PSD2: variants seen among roughly 807,000 people sequenced by gnomAD.
The protein encoded by PSD2 is pleckstrin and Sec7 domain containing 2.
A neutral mutation model predicts 69.8 loss-of-function variants in PSD2; 38 were observed. The observed-to-expected ratio is 0.54, with a 90% confidence interval of 0.42 to 0.71. The LOEUF (loss-of-function observed/expected upper bound fraction) is 0.71. Ranked by LOEUF, PSD2 falls within the 30% of genes least tolerant of loss-of-function variation. PSD2 has a pLI of 0.00. For missense variants in PSD2, 943 were observed against 1,014.5 expected, an observed-to-expected ratio of 0.93 and a Z score of 0.96; for synonymous variants, 412 against 423.0, an observed-to-expected ratio of 0.97 and a Z score of 0.32.
intron 2 of PSD2, 135 bp from the exon 3 acceptor site, chr5:139,813,174 G>T: frequency 1.5e-6 from 1 of 680,364 alleles, no homozygotes. Context: ...AGTTAGTATT[G>T]GCTGAAGGGA....
chr5:139,803,220 C>T (rs529760012), intron 1 of PSD2, among the ~76,000 whole-genome samples: 1 of 152,354 alleles, frequency 6.6e-6, no homozygotes, highest in African/African-American at 2.4e-5. Context: ...TCTCTGGCCC[C>T]CCTCCTGGCC....
rs34206173 is a variant in PSD2 at position 139,809,644 on chromosome 5, C to T, written c.204C>T (p.Phe68=). ...CCACGAAGGACCCAGATGTGGCCTT[C>T]CATGGCCTCAGCCTTGGCCTCTCTC... is the stretch of plus-strand genomic sequence containing the variant. ...EEPTKDPDVA[F]HGLSLGLSLT... is the part of the protein sequence containing the mutation. Residue 68 remains phenylalanine, a synonymous_variant, in exon 2 of 15, where the codon TTC becomes TTT. Transcript: ENST00000274710. The T allele has an allele frequency of 9.9e-6, 16 of 1,614,156 alleles. No individual in the cohort carries two copies. The African/African-American group carries it at 2.1e-4, about 22-fold the overall frequency.
chr5:139,830,823 C>CTTTTTT (rs60786662), intron 7 of PSD2, among the ~76,000 whole-genome samples: 76 of 82,942 alleles, frequency 9.2e-4, no homozygotes, highest in Middle Eastern at 0.015. Context: ...CCTGGACTTG[C>CTTTTTT]TTTTTTTTTT....
chr5:139,777,167 G>A, the PSD2 span, among the ~76,000 whole-genome samples: 11 of 152,140 alleles, frequency 7.2e-5, no homozygotes, highest in Middle Eastern at 3.2e-3. Context: ...AACCTTTTCA[G>A]CCCTTCATCT....
At chr5:139,823,506 A>C (rs1380921880) in intron 7 of PSD2, among the ~76,000 whole-genome samples, 3 of 152,168 alleles carry the variant, frequency 2.0e-5, no homozygotes, top group Non-Finnish European at 4.4e-5. Flanking sequence ...CAGCAAGTTA[A>C]CCAGGAAATC....
chr5:139,803,216 G>T (rs1409930913), intron 1 of PSD2, among the ~76,000 whole-genome samples: 1 of 152,222 alleles, frequency 6.6e-6, no homozygotes, highest in Non-Finnish European at 1.5e-5. Flanking sequence ...GCCCTCTCTG[G>T]CCCCCCTCCT....
At chr5:139,799,889 G>T (rs1759625823) in intron 1 of PSD2, among the ~76,000 whole-genome samples, 2 of 152,166 alleles carry the variant, frequency 1.3e-5, no homozygotes, top group African/African-American at 4.8e-5. Context: ...CAATGGCTTG[G>T]GAAGGGAGAT....
intron 1 of PSD2, among the ~76,000 whole-genome samples, chr5:139,801,763 C>T (rs1759680128): frequency 6.6e-6 from 1 of 152,236 alleles, no homozygotes; most frequent in Admixed American, 6.5e-5. Flanking sequence ...AGACAACCCC[C>T]CTCAACTTGC....
Position 139,837,183 on chromosome 5 carries a change from G to T in PSD2, c.1610G>T (p.Arg537Leu). The change falls in exon 11 of 15, where the codon CGT (arginine) becomes CTT (leucine). Residue 537 changes from arginine (R) to leucine (L), a missense_variant. Coordinates refer to ENST00000274710, the MANE Select transcript of PSD2 (RefSeq NM_032289.4). The surrounding 1 kb of genome is among the most constrained non-coding windows in gnomAD (Gnocchi z 5.0). The stretch of plus-strand genomic sequence containing the variant: ...TCCTCCCCAGCGCCCCGTGGGAGGC[G>T]TGGCTGGAAGAAATTCTACGCAGTG... ...MDGKRTPRGR[R>L]GWKKFYAVLK... The T allele has an allele frequency of 1.9e-6, 3 of 1,614,102 alleles. No homozygotes were observed. Among genetic ancestry groups the T allele is most frequent in the Non-Finnish European group, 2.5e-6 (3 of 1,179,952 alleles).
At chr5:139,768,520 C>T in the PSD2 span, among the ~76,000 whole-genome samples, 10 of 152,144 alleles carry the variant, frequency 6.6e-5, no homozygotes, top group East Asian at 7.7e-4. Flanking sequence ...GAAGGGAGTT[C>T]GAGACTAGCC....
the PSD2 span, among the ~76,000 whole-genome samples, chr5:139,780,466 C>T: frequency 6.6e-6 from 1 of 151,958 alleles, no homozygotes; most frequent in African/African-American, 2.4e-5. Flanking sequence ...TTTTTTGAGA[C>T]ATTGTCTCGC....
Position 139,842,530 on chromosome 5 carries a change from G to A in PSD2, c.*56G>A, listed in dbSNP as rs1024230108. On this transcript the variant is annotated 3_prime_UTR_variant, in exon 15 of 15. Coordinates refer to ENST00000274710, the MANE Select transcript of PSD2 (RefSeq NM_032289.4). ...CAGATGTCTCCAGTGGGGTCAGTGA[G>A]CACAATTCCAGCCAGGGGCCACTTG... 3.3e-6 allele frequency: 5 copies of A among 1,530,208 alleles called. No individual in the cohort carries two copies. The highest frequency in any genetic ancestry group is 4.5e-6 in the Non-Finnish European group (5 of 1,111,242). The allele number at this position is 1,530,208 out of a possible 1,614,324, so 94.8% of individuals were successfully genotyped here.
In PSD2 at chr5:139,817,526, C is replaced by T. The variant is rs774410580; in HGVS notation, c.1062C>T (p.Phe354=). ...TGGCCGGGGAGTACCTCAGTTTCTT[C>T]GACTTCTCGGGCTTGACTCTGGACG... ...RLVAGEYLSF[F]DFSGLTLDGA... is the part of the protein sequence containing the mutation. Residue 354 remains phenylalanine, a synonymous_variant, in exon 5 of 15, where the codon TTC becomes TTT. Transcript: ENST00000274710. 27 of 1,614,154 alleles carry T rather than the reference C, an allele frequency of 1.7e-5. 1 individual carries two copies. In the Middle Eastern group the frequency reaches 6.6e-4, roughly 39 times the overall value.
intron 1 of PSD2, among the ~76,000 whole-genome samples, chr5:139,797,244 C>T (rs934827637): frequency 3.9e-5 from 6 of 152,230 alleles, no homozygotes; most frequent in African/African-American, 9.6e-5. Flanking sequence ...AAGCAGGGAA[C>T]AGGGGCTTTT....
chr5:139,817,181 GC>G (rs1409222444), intron 4 of PSD2, among the ~76,000 whole-genome samples: 2 of 152,202 alleles, frequency 1.3e-5, no homozygotes, highest in African/African-American at 4.8e-5. Context: ...CCTGCTAGTA[GC>G]TTCTTGGACA....
chr5:139,817,453 T>TA, intron 4 of PSD2, 28 bp from the exon 5 acceptor site: 1 of 1,604,172 alleles, frequency 6.2e-7, no homozygotes. Flanking sequence ...ACCCTGCTTC[T>TA]AACAGACATC....
the PSD2 span, among the ~76,000 whole-genome samples, chr5:139,761,113 C>T: frequency 6.6e-6 from 1 of 152,208 alleles, no homozygotes; most frequent in Non-Finnish European, 1.5e-5. Flanking sequence ...ATACAAACCA[C>T]AGCATTGCCC....
the PSD2 span, among the ~76,000 whole-genome samples, chr5:139,776,123 A>G: frequency 1.3e-5 from 2 of 152,348 alleles, no homozygotes; most frequent in South Asian, 4.1e-4. Flanking sequence ...CGGCAGGATA[A>G]CATCCAGTCT....
At chr5:139,764,986 A>AC in the PSD2 span, among the ~76,000 whole-genome samples, 3 of 151,848 alleles carry the variant, frequency 2.0e-5, no homozygotes, top group African/African-American at 7.3e-5. Flanking sequence ...CTTCAGTGTG[A>AC]CCCCAGTGAC....
Sources: allele counts gnomAD v4.1 joint callset (sites outside exome capture counted in the v4.1 genomes callset), GRCh38; gene constraint gnomAD v4.1.1; non-coding constraint Gnocchi (gnomAD v3.1); transcripts MANE v1.5; gene names NCBI Gene and HGNC (gene_info 2026-07-23, HGNC 2026-07-21).